MINPP1: variants seen among roughly 807,000 people sequenced by gnomAD.
MINPP1 encodes multiple inositol polyphosphate phosphatase 1.
MINPP1 carries 28 observed loss-of-function variants against 46.1 expected under a neutral mutation model. That is an observed-to-expected ratio of 0.61 (90% CI 0.45 to 0.83). The LOEUF (loss-of-function observed/expected upper bound fraction) is 0.83. Ranked by LOEUF, MINPP1 falls within the 40% of genes least tolerant of loss-of-function variation. The pLI is 0.00. For synonymous variants in MINPP1, 268 were observed against 249.1 expected, an observed-to-expected ratio of 1.08 and a Z score of -0.72; for missense variants, 603 against 610.0, an observed-to-expected ratio of 0.99 and a Z score of 0.12.
Position 87,505,633 on chromosome 10 carries a change from C to T in MINPP1, c.637+81C>T. ...TCTCCCGCCTCCCCCAGACCCTGGG[C>T]TTTTCCGATGCCCCCCAGTTCTCTT... is the stretch of plus-strand genomic sequence containing the variant. On this transcript the variant is annotated intron_variant, in intron 1 of 4. Transcript: ENST00000371996. This position sits in a 1 kb window ranked among gnomAD's most constrained non-coding sequence, Gnocchi z 4.4. The T allele has an allele frequency of 7.7e-7, 1 of 1,305,384 alleles. No homozygotes were observed. Among genetic ancestry groups the T allele is most frequent in the South Asian group, 1.3e-5 (1 of 75,590 alleles). The allele number at this position is 1,305,384 out of a possible 1,614,324, so 80.9% of individuals were successfully genotyped here. A position where few individuals can be genotyped will look rare whatever the true frequency, so the allele number is the denominator to read the frequency against.
chr10:87,537,862 C>G (rs1851760158), intron 4 of MINPP1, among the ~76,000 whole-genome samples: 1 of 152,086 alleles, frequency 6.6e-6, no homozygotes, highest in East Asian at 1.9e-4. Flanking sequence ...CTCAACCTCC[C>G]AGGCTCAGGC....
At chr10:87,528,873 C>G (rs1851616521) in intron 4 of MINPP1, among the ~76,000 whole-genome samples, 1 of 152,074 alleles carries the variant, frequency 6.6e-6, no homozygotes, top group Non-Finnish European at 1.5e-5. Flanking sequence ...TAAGGACTTG[C>G]TTTATGAATC....
intron 2 of MINPP1, among the ~76,000 whole-genome samples, chr10:87,511,859 T>A (rs567516813): frequency 6.6e-6 from 1 of 152,354 alleles, no homozygotes; most frequent in African/African-American, 2.4e-5. Flanking sequence ...CACTATATTG[T>A]ATCAGGTATT....
At chr10:87,543,239 A>G (rs1354086580) in intron 4 of MINPP1, among the ~76,000 whole-genome samples, 1 of 152,230 alleles carries the variant, frequency 6.6e-6, no homozygotes, top group East Asian at 1.9e-4. Flanking sequence ...TAGAACTTAT[A>G]TACAAAAGGG....
At chr10:87,519,613 A>G (rs918571047) in intron 3 of MINPP1, among the ~76,000 whole-genome samples, 2 of 152,214 alleles carry the variant, frequency 1.3e-5, no homozygotes, top group African/African-American at 4.8e-5. Flanking sequence ...TGTAGGCAGC[A>G]ATGCTAGTGT....
In MINPP1 at chr10:87,545,843, G is replaced by A. The variant is rs148988035; in HGVS notation, c.1068-6239G>A. On this transcript the variant is annotated intron_variant, in intron 4 of 4. Transcript: ENST00000371996. ...CCAGATACTGGTTTTATGACTAAAA[G>A]TTGTCATTTATTGACATATTCTCTT... 1.2e-4 allele frequency among the ~76,000 whole-genome samples: 18 copies of A among 152,304 alleles called. No homozygotes were observed. In the East Asian group the frequency reaches 2.3e-3, roughly 20 times the overall value.
Position 87,521,132 on chromosome 10 carries a change from T to G in MINPP1, c.1030T>G (p.Phe344Val), listed in dbSNP as rs768794202. ...RSSCTLFQDI[F>V]QHLDKAVEQK... ...CAGCTGCACCTTGTTTCAGGATATC[T>G]TTCAGCACTTGGACAAAGCAGTTGA... is the stretch of plus-strand genomic sequence containing the variant. The change falls in exon 4 of 5, where the codon TTT (phenylalanine) becomes GTT (valine). Residue 344 changes from phenylalanine to valine, a missense_variant. Physicochemically the swap from Phe to Val is conservative, Grantham distance 50. Around this residue, in one of 3 missense-constraint regions of MINPP1, gnomAD observed 344 missense variants for 381.1 expected, o/e 0.90. Transcript: ENST00000371996. The G allele has an allele frequency of 3.1e-6, 5 of 1,611,586 alleles. No homozygotes were observed. Among genetic ancestry groups the G allele is most frequent in the Non-Finnish European group, 4.2e-6 (5 of 1,178,376 alleles).
At chr10:87,529,524 T>C (rs1008900032) in intron 4 of MINPP1, among the ~76,000 whole-genome samples, 1 of 152,202 alleles carries the variant, frequency 6.6e-6, no homozygotes, top group African/African-American at 2.4e-5. Context: ...GAAGGTAGAA[T>C]ATTGGCCCCC....
intron 4 of MINPP1, among the ~76,000 whole-genome samples, chr10:87,529,310 T>C (rs1048000341): frequency 6.6e-6 from 1 of 152,218 alleles, no homozygotes; most frequent in Non-Finnish European, 1.5e-5. Flanking sequence ...GCCTCGATGG[T>C]CTTTACAATT....
Position 87,504,975 on chromosome 10 carries a change from T to TGCGGCGCTGCTC in MINPP1, c.61_72dup (p.Ala21_Leu24dup). The TGCGGCGCTGCTC allele has an allele frequency of 6.2e-7, 1 of 1,612,210 alleles. No individual in the cohort carries two copies. The highest frequency in any genetic ancestry group is 8.5e-7 in the Non-Finnish European group (1 of 1,179,630). ...CCGTAGCGCCTGCCGCGGCCCTGGC[T>TGCGGCGCTGCTC]GCGGCGCTGCTCTCGTCGCTTGCGC... On this transcript the variant is annotated inframe_insertion, in exon 1 of 5. Transcript: ENST00000371996.
chr10:87,526,965 G>T (rs1437096845), intron 4 of MINPP1, among the ~76,000 whole-genome samples: 1 of 152,280 alleles, frequency 6.6e-6, no homozygotes, highest in African/African-American at 2.4e-5. Context: ...AGTGTAGTTT[G>T]AAGTCAGGTA....
chr10:87,521,012 G>T, intron 3 of MINPP1, 24 bp from the exon 4 acceptor site: 1 of 842,258 alleles, frequency 1.2e-6, no homozygotes, highest in Non-Finnish European at 1.9e-6. Flanking sequence ...AAATATATTA[G>T]AAATTATTTT....
At chr10:87,513,876 C>T (rs1157284804) in intron 3 of MINPP1, among the ~76,000 whole-genome samples, 2 of 151,900 alleles carry the variant, frequency 1.3e-5, no homozygotes, top group Non-Finnish European at 2.9e-5. Context: ...TCAATAGAGC[C>T]GTATACAATA....
chr10:87,509,393 T>G (rs1417541261), intron 2 of MINPP1, among the ~76,000 whole-genome samples: 2 of 152,206 alleles, frequency 1.3e-5, no homozygotes, highest in Non-Finnish European at 2.9e-5. Flanking sequence ...CATTTGAAAT[T>G]GAATTTTTTC....
Position 87,552,410 on chromosome 10 carries a change from C to T in MINPP1, c.1396C>T (p.Leu466Phe). Residue 466 changes from leucine to phenylalanine, a missense_variant, in exon 5 of 5, where the codon CTT (leucine) becomes TTT (phenylalanine). Coordinates refer to ENST00000371996, the MANE Select transcript of MINPP1 (RefSeq NM_004897.5). ...EDLKNHYKDI[L>F]QSCQTSEECE... is the part of the protein sequence containing the mutation. ...TCTGAAGAACCACTACAAGGACATC[C>T]TTCAGAGTTGTCAAACCAGTGAAGA... is the stretch of plus-strand genomic sequence containing the variant. 1 of 1,613,366 alleles carries T rather than the reference C, an allele frequency of 6.2e-7. No homozygotes were observed. The highest frequency in any genetic ancestry group is 1.1e-5 in the South Asian group (1 of 91,044).
intron 3 of MINPP1, among the ~76,000 whole-genome samples, chr10:87,518,993 G>T (rs941897362): frequency 3.9e-5 from 6 of 152,044 alleles, no homozygotes; most frequent in Admixed American, 1.3e-4. Flanking sequence ...ACCCTTTCAG[G>T]GCAGGATCTT....
intron 4 of MINPP1, among the ~76,000 whole-genome samples, chr10:87,537,511 TTGTGTG>T (rs1554853571): frequency 5.9e-5 from 5 of 85,186 alleles, no homozygotes; most frequent in Non-Finnish European, 1.7e-4. Flanking sequence ...TTATTACTGT[TTGTGTG>T]TGTGTGTGTG....
rs1490271443 is a variant in MINPP1 at position 87,505,288 on chromosome 10, C to G, written c.373C>G (p.Arg125Gly). ...TGGCGGGGCTAGTAGTACCGGCAGC[C>G]GCGACCTGGGTGCAGCGCTGGCCGA... The part of the protein sequence containing the change: ...RDGGASSTGS[R>G]DLGAALADWP... The change falls in exon 1 of 5, where the codon CGC becomes GGC. Residue 125 changes from arginine (R) to glycine (G), a missense_variant. Physicochemically the swap from Arg to Gly is moderately radical, Grantham distance 125. Coordinates refer to ENST00000371996, the MANE Select transcript of MINPP1 (RefSeq NM_004897.5). The surrounding 1 kb of genome is among the most constrained non-coding windows in gnomAD (Gnocchi z 4.4). The G allele has an allele frequency of 6.2e-7, 1 of 1,610,832 alleles. No individual in the cohort carries two copies. The highest frequency in any genetic ancestry group is 8.5e-7 in the Non-Finnish European group (1 of 1,177,788).
intron 4 of MINPP1, among the ~76,000 whole-genome samples, chr10:87,548,784 G>C (rs1450221307): frequency 2.6e-5 from 4 of 151,686 alleles, no homozygotes; most frequent in Middle Eastern, 3.4e-3. Flanking sequence ...TCTTATTATT[G>C]TTTTACTAGT....
Sources: gnomAD v4.1 joint callset for allele counts (sites outside exome capture counted in the v4.1 genomes callset) on GRCh38, gnomAD v4.1.1 for gene constraint, gnomAD v4.1.1 regional missense constraint, Gnocchi (gnomAD v3.1) non-coding constraint, MANE v1.5 for transcripts, NCBI Gene and HGNC (gene_info 2026-07-23, HGNC 2026-07-21) for gene names.